CAMK2G: variants seen among roughly 807,000 people sequenced by gnomAD.
CAMK2G encodes the protein calcium/calmodulin dependent protein kinase II gamma, also known as calcium/calmodulin-dependent protein kinase type II subunit gamma.
A neutral mutation model predicts 88.7 loss-of-function variants in CAMK2G; 23 were observed. The observed-to-expected ratio is 0.26, with a 90% CI of 0.19 to 0.37. The LOEUF is 0.37. CAMK2G is among the 10% of genes least tolerant of loss of function. The probability of loss-of-function intolerance (pLI) is 1.00; values close to 1 mark genes in which losing one functional copy is unlikely to be tolerated. For synonymous variants in CAMK2G, 263 were observed against 294.8 expected, an observed-to-expected ratio of 0.89 and a Z score of 1.11; for missense variants, 476 against 780.8, an observed-to-expected ratio of 0.61 and a Z score of 4.65.
intron 4 of CAMK2G, 98 bp downstream of exon 4, chr10:73,853,094 G>T: frequency 8.9e-7 from 1 of 1,125,918 alleles, no homozygotes; most frequent in Non-Finnish European, 1.3e-6. Context: ...AGGGGGCCCT[G>T]GGCGGAGGCT....
At chr10:73,825,053 G>A (rs1313336820) in intron 16 of CAMK2G, among the ~76,000 whole-genome samples, 2 of 152,206 alleles carry the variant, frequency 1.3e-5, no homozygotes, top group Admixed American at 6.5e-5. Flanking sequence ...CCCCACCAGC[G>A]AAAGGAGCAG....
Position 73,842,566 on chromosome 10 carries a change from G to A in CAMK2G, c.820-25C>T. 6.4e-7 allele frequency: 1 copy of A among 1,562,752 alleles called. No individual in the cohort carries two copies. On this transcript the variant is annotated intron_variant, in intron 10 of 22. Coordinates refer to ENST00000423381, the MANE Select transcript of CAMK2G (RefSeq NM_001367534.1). The surrounding 1 kb of genome is among the most constrained non-coding windows in gnomAD (Gnocchi z 4.6). ...GCTAGAAACCAAACAGACAGGCTATGAGCCCCAGCCCAGATCCTCTGCGCC... is the reference window on the plus strand; with the variant it reads ...GCTAGAAACCAAACAGACAGGCTATAAGCCCCAGCCCAGATCCTCTGCGCC...
rs555583370 is a variant in CAMK2G, at chr10:73,826,790, T to G, written c.1086+1299A>C. On this transcript the variant is annotated intron_variant, in intron 15 of 22. Transcript: ENST00000423381. ...CATCCTGACTGTCCTACTTCTTGCC[T>G]GGAGGCCTCTTGGACCAGACCTGAA... Among the ~76,000 whole-genome samples, 282 of 152,338 alleles carry G rather than the reference T, an allele frequency of 1.9e-3. 1 individual carries two copies. The highest frequency in any genetic ancestry group is 6.8e-3 in the South Asian group (33 of 4,818).
chr10:73,856,164 C>G (rs976880036), intron 3 of CAMK2G, among the ~76,000 whole-genome samples: 5 of 152,182 alleles, frequency 3.3e-5, no homozygotes, highest in Non-Finnish European at 7.3e-5. Context: ...ACGTGCATTA[C>G]TGTATTGAAC....
intron 14 of CAMK2G, among the ~76,000 whole-genome samples, chr10:73,830,006 C>T (rs2092144381): frequency 6.6e-6 from 1 of 152,188 alleles, no homozygotes; most frequent in South Asian, 2.1e-4. Flanking sequence ...TGCTGATTTT[C>T]AGGGGCTTGT....
chr10:73,825,271 G>A lies in CAMK2G; in HGVS notation c.1155+8C>T, dbSNP rs1195664244. The A allele has an allele frequency of 6.2e-7, 1 of 1,605,678 alleles. No homozygotes were observed. Among genetic ancestry groups the A allele is most frequent in the South Asian group, 1.1e-5 (1 of 90,926 alleles). ...GTCAGAGGCGGAGAAGCTGTAGTCA[G>A]GAGGTACCATGGCCGTCTGCAAGGG... On this transcript the variant is annotated splice_region_variant and intron_variant, in intron 16 of 22. Coordinates refer to ENST00000423381, the MANE Select transcript of CAMK2G (RefSeq NM_001367534.1).
intron 21 of CAMK2G, chr10:73,816,321 G>A (rs1207448036): frequency 1.0e-5 from 10 of 993,186 alleles, no homozygotes; most frequent in Non-Finnish European, 1.2e-5. Flanking sequence ...GCCCTGGTTT[G>A]CACATTCTTA....
rs767045349 is a variant in CAMK2G at position 73,848,547 on chromosome 10, G to A, written c.580C>T (p.Pro194Ser). ...TTACCGCAGGCCCAGATATCCACAG[G>A]TTTTCCATAGGGATCTTTCCTCAAG... is the stretch of plus-strand genomic sequence containing the variant. ...EVLRKDPYGK[P>S]VDIWACGVIL... The change falls in exon 8 of 23, where the codon CCT becomes TCT. Residue 194 changes from proline to serine, a missense_variant. This residue lies in a region of CAMK2G where 164 missense variants were observed against 385.6 expected (regional missense o/e 0.43). Transcript: ENST00000423381. This position sits in a 1 kb window ranked among gnomAD's most constrained non-coding sequence, Gnocchi z 4.5. 6.2e-7 allele frequency: 1 copy of A among 1,612,748 alleles called. No homozygotes were observed. Among genetic ancestry groups the A allele is most frequent in the Non-Finnish European group, 8.5e-7 (1 of 1,179,176 alleles).
chr10:73,821,778 C>A, intron 17 of CAMK2G, 48 bp from the exon 18 acceptor site: 4 of 1,478,204 alleles, frequency 2.7e-6, no homozygotes, highest in Non-Finnish European at 3.8e-6. Flanking sequence ...CCCTTGGAAG[C>A]CAGAGGAGCA....
chr10:73,855,283 AT>A (rs1204228399), intron 3 of CAMK2G, among the ~76,000 whole-genome samples: 1 of 152,220 alleles, frequency 6.6e-6, no homozygotes, highest in Admixed American at 6.5e-5. Flanking sequence ...AGGACTTTCC[AT>A]TTAATTAAAA....
chr10:73,860,953 ATTC>A, intron 2 of CAMK2G, 64 bp from the exon 3 acceptor site: 1 of 1,151,614 alleles, frequency 8.7e-7, no homozygotes, highest in African/African-American at 1.5e-5. Flanking sequence ...TCACCTTGTT[ATTC>A]ATATTCCTTC....
At chr10:73,821,907 G>A (rs756932576) in intron 17 of CAMK2G, among the ~76,000 whole-genome samples, 177 bp from the exon 18 acceptor site, 1 of 152,176 alleles carries the variant, frequency 6.6e-6, no homozygotes, top group Non-Finnish European at 1.5e-5. Flanking sequence ...TCTTCCCCCA[G>A]TTGGTAAATG....
At chr10:73,822,608 G>T (rs1393541770) in intron 17 of CAMK2G, among the ~76,000 whole-genome samples, 1 of 152,036 alleles carries the variant, frequency 6.6e-6, no homozygotes, top group Admixed American at 6.6e-5. Flanking sequence ...TCTGTAGCAG[G>T]CCCTGCTGCT....
At chr10:73,852,793 A>G in intron 4 of CAMK2G, 1 of 245,514 alleles carries the variant, frequency 4.1e-6, no homozygotes, top group South Asian at 6.7e-5. Context: ...ACCACAACCA[A>G]CGTGGAGGAG....
At chr10:73,828,572 G>T (rs1056525024) in intron 14 of CAMK2G, among the ~76,000 whole-genome samples, 1 of 152,132 alleles carries the variant, frequency 6.6e-6, no homozygotes, top group South Asian at 2.1e-4. Flanking sequence ...GCTACTACAG[G>T]CTCTCCTCAG....
At chr10:73,833,407 T>G (rs1017465280) in intron 14 of CAMK2G, among the ~76,000 whole-genome samples, 2 of 152,202 alleles carry the variant, frequency 1.3e-5, no homozygotes, top group Admixed American at 6.5e-5. Context: ...TTTATGGTTT[T>G]GACACACAGG....
chr10:73,837,308 G>A (rs2093343920), intron 14 of CAMK2G, 160 bp downstream of exon 14: 5 of 724,512 alleles, frequency 6.9e-6, no homozygotes, highest in Non-Finnish European at 1.3e-5. Context: ...TCCCTCTCAG[G>A]CCAGCAGAAC....
At chr10:73,862,655 G>T (rs1471217586) in intron 2 of CAMK2G, among the ~76,000 whole-genome samples, 1 of 152,206 alleles carries the variant, frequency 6.6e-6, no homozygotes, top group Non-Finnish European at 1.5e-5. Context: ...TGATGCAGGT[G>T]GTCTGAGCCT....
At position 73,837,449 on chromosome 10, in the gene CAMK2G, A is replaced by T; in HGVS notation, c.1053+19T>A. On this transcript the variant is annotated intron_variant, in intron 14 of 22. Coordinates refer to ENST00000423381, the MANE Select transcript of CAMK2G (RefSeq NM_001367534.1). ...CGGGGAGAAAGAGGCCAGTCTGTTCAGAGGCTGGAGACACTTACCTTGACA... is the reference window on the plus strand; with the variant it reads ...CGGGGAGAAAGAGGCCAGTCTGTTCTGAGGCTGGAGACACTTACCTTGACA... 1 of 1,605,324 alleles carries T rather than the reference A, an allele frequency of 6.2e-7. No homozygotes were observed. Among genetic ancestry groups the T allele is most frequent in the Non-Finnish European group, 8.5e-7 (1 of 1,171,932 alleles).
Sources: gnomAD v4.1 joint callset for allele counts (sites outside exome capture counted in the v4.1 genomes callset) on GRCh38, gnomAD v4.1.1 for gene constraint, gnomAD v4.1.1 regional missense constraint, Gnocchi (gnomAD v3.1) non-coding constraint, MANE v1.5 for transcripts, NCBI Gene and HGNC (gene_info 2026-07-23, HGNC 2026-07-21) for gene names.